Variants in ANP32A observed in about 807,000 individuals in gnomAD.
The protein encoded by ANP32A is acidic leucine-rich nuclear phosphoprotein 32 family member A.
A neutral mutation model predicts 33.9 loss-of-function variants in ANP32A; 1 was observed. The ratio of observed to expected loss-of-function variants is 0.03; its 90% CI spans 0.01 to 0.14. The LOEUF is 0.14. Ranked by LOEUF, ANP32A falls within the 10% of genes least tolerant of loss-of-function variation. The pLI is 1.00. For synonymous variants in ANP32A, 115 were observed against 120.5 expected, an observed-to-expected ratio of 0.95 and a Z score of 0.30; for missense variants, 155 against 306.0, an observed-to-expected ratio of 0.51 and a Z score of 3.68.
At chr15:68,795,465 G>A (rs1302027411) in intron 1 of ANP32A, among the ~76,000 whole-genome samples, 1 of 152,178 alleles carries the variant, frequency 6.6e-6, no homozygotes, top group Non-Finnish European at 1.5e-5. Flanking sequence ...TGTCTGCCAG[G>A]GCCCCGGCTC....
At chr15:68,808,893 C>T (rs1349427308) in intron 1 of ANP32A, among the ~76,000 whole-genome samples, 1 of 152,212 alleles carries the variant, frequency 6.6e-6, no homozygotes. Flanking sequence ...AGCAAACACA[C>T]TCTGCGGGCC....
chr15:68,806,455 G>A (rs374273136), intron 1 of ANP32A, among the ~76,000 whole-genome samples: 9 of 152,286 alleles, frequency 5.9e-5, no homozygotes, highest in African/African-American at 1.9e-4. Flanking sequence ...GGCAGTCAGC[G>A]TTCCATTTCC....
chr15:68,807,504 C>T (rs1162294448), intron 1 of ANP32A, among the ~76,000 whole-genome samples: 1 of 152,002 alleles, frequency 6.6e-6, no homozygotes, highest in African/African-American at 2.4e-5. Context: ...GCGAGGCCTC[C>T]TCCTGGGGCA....
chr15:68,804,711 C>T (rs1894190684), intron 1 of ANP32A, among the ~76,000 whole-genome samples: 1 of 152,128 alleles, frequency 6.6e-6, no homozygotes, highest in Admixed American at 6.5e-5. Context: ...GATGGGGTTT[C>T]ACCATGTTGG....
intron 1 of ANP32A, among the ~76,000 whole-genome samples, chr15:68,807,756 T>C (rs1276923016): frequency 1.3e-5 from 2 of 152,176 alleles, no homozygotes; most frequent in African/African-American, 4.8e-5. Context: ...TGAGGCTCAG[T>C]GAGGTGACCT....
At chr15:68,808,214 C>T (rs1372834705) in intron 1 of ANP32A, among the ~76,000 whole-genome samples, 3 of 152,208 alleles carry the variant, frequency 2.0e-5, no homozygotes, top group Non-Finnish European at 2.9e-5. Context: ...TTAGAGTCCC[C>T]TTTAGAGCTT....
At chr15:68,781,423 A>C (rs1401191550) in intron 5 of ANP32A, 18 of 131,546 alleles carry the variant, frequency 1.4e-4, no homozygotes, top group African/African-American at 5.2e-4. Flanking sequence ...CTCCTGTGAC[A>C]GGAAGAGGAA....
At chr15:68,792,326 C>T (rs1264115383) in intron 1 of ANP32A, 2 of 152,142 alleles carry the variant, frequency 1.3e-5, no homozygotes, top group Non-Finnish European at 2.9e-5. Flanking sequence ...TTTTCCAACA[C>T]CCCAAAGAGA....
In ANP32A at chr15:68,780,548, C is replaced by T. The variant is rs1230897503; in HGVS notation, c.625-75G>A. ...CATGCTGAGGAAGCCACACAGAGCA[C>T]AAAAAGGCCGGGGTCACCCCCAGCC... On this transcript the variant is annotated intron_variant, in intron 5 of 6. Coordinates refer to ENST00000465139, the MANE Select transcript of ANP32A (RefSeq NM_006305.4). The surrounding 1 kb of genome is among the most constrained non-coding windows in gnomAD (Gnocchi z 4.3). 3.1e-6 allele frequency: 5 copies of T among 1,590,544 alleles called. No homozygotes were observed. The East Asian group carries it at 1.1e-4, about 36-fold the overall frequency.
intron 1 of ANP32A, among the ~76,000 whole-genome samples, chr15:68,799,260 TGGAA>T (rs1400595368): frequency 3.3e-5 from 5 of 152,128 alleles, no homozygotes; most frequent in African/African-American, 1.2e-4. Context: ...GAGGGGCTGC[TGGAA>T]GGAAGGGGAG....
At chr15:68,804,806 C>CGCGGCTGTGT (rs1894193005) in intron 1 of ANP32A, among the ~76,000 whole-genome samples, 1 of 152,254 alleles carries the variant, frequency 6.6e-6, no homozygotes, top group Non-Finnish European at 1.5e-5. Flanking sequence ...AGCCGCTGCA[C>CGCGGCTGTGT]GCGGCTGTGT....
chr15:68,793,764 G>A (rs1002203204), intron 1 of ANP32A, among the ~76,000 whole-genome samples: 2 of 152,308 alleles, frequency 1.3e-5, no homozygotes, highest in African/African-American at 2.4e-5. Flanking sequence ...TGAAAAACAC[G>A]GAGCCCCTTG....
intron 1 of ANP32A, among the ~76,000 whole-genome samples, chr15:68,808,902 CCTCT>C (rs1449902233): frequency 1.3e-5 from 2 of 152,148 alleles, no homozygotes; most frequent in East Asian, 1.9e-4. Context: ...ACTCTGCGGG[CCTCT>C]CTCTTTCAAG....
In ANP32A at chr15:68,780,768, C is replaced by G; in HGVS notation, c.625-295G>C. ...GATTCCAGGACCCAGGTTAAGAACTCTGATCTGAAGTCCCTGTAAGGCAGG... is the reference window on the plus strand; with the variant it reads ...GATTCCAGGACCCAGGTTAAGAACTGTGATCTGAAGTCCCTGTAAGGCAGG... On this transcript the variant is annotated intron_variant, in intron 5 of 6. Transcript: ENST00000465139. The surrounding 1 kb of genome is among the most constrained non-coding windows in gnomAD (Gnocchi z 4.3). 1 of 331,852 alleles carries G rather than the reference C, an allele frequency of 3.0e-6. No homozygotes were observed. The highest frequency in any genetic ancestry group is 5.5e-6 in the Non-Finnish European group (1 of 182,700). 20.6% of individuals were successfully genotyped at this position (331,852 alleles called of 1,614,324 possible). A position where few individuals can be genotyped will look rare whatever the true frequency, so the allele number is the denominator to read the frequency against.
intron 1 of ANP32A, among the ~76,000 whole-genome samples, chr15:68,815,266 C>A (rs1223232569): frequency 1.3e-5 from 2 of 152,196 alleles, no homozygotes; most frequent in Admixed American, 6.5e-5. Flanking sequence ...TTTCAGCAAA[C>A]CTCTTCTGCA....
At chr15:68,816,564 C>T (rs1302828070) in intron 1 of ANP32A, among the ~76,000 whole-genome samples, 2 of 152,058 alleles carry the variant, frequency 1.3e-5, no homozygotes, top group Non-Finnish European at 2.9e-5. Flanking sequence ...CTGGAAGCAC[C>T]CTGATATGTC....
At chr15:68,782,775 G>C (rs1893885441) in intron 5 of ANP32A, 181 bp downstream of exon 5, 2 of 1,151,644 alleles carry the variant, frequency 1.7e-6, no homozygotes, top group Non-Finnish European at 1.2e-6. Context: ...AGAGCTTACT[G>C]CAAGTCTTGT....
intron 1 of ANP32A, among the ~76,000 whole-genome samples, chr15:68,788,448 T>C (rs1402308651): frequency 6.6e-6 from 1 of 151,924 alleles, no homozygotes; most frequent in Non-Finnish European, 1.5e-5. Context: ...ATGTGGCCTG[T>C]CCTGAGGCAG....
At chr15:68,817,128 T>G (rs1894392860) in intron 1 of ANP32A, among the ~76,000 whole-genome samples, 1 of 152,224 alleles carries the variant, frequency 6.6e-6, no homozygotes, top group Non-Finnish European at 1.5e-5. Flanking sequence ...TTTTTAAAAT[T>G]CTCAGAGATG....
Sources: gnomAD v4.1 joint callset for allele counts (sites outside exome capture counted in the v4.1 genomes callset) on GRCh38, gnomAD v4.1.1 for gene constraint, Gnocchi (gnomAD v3.1) non-coding constraint, MANE v1.5 for transcripts, NCBI Gene and HGNC (gene_info 2026-07-23, HGNC 2026-07-21) for gene names.